LANCL2: variants seen among roughly 807,000 people sequenced by gnomAD.
The protein encoded by LANCL2 is LanC like glutathione S-transferase 2.
LANCL2 carries 33 observed loss-of-function variants against 56.9 expected under a neutral mutation model. The ratio of observed to expected loss-of-function variants is 0.58; its 90% CI spans 0.44 to 0.78. The LOEUF (loss-of-function observed/expected upper bound fraction) is 0.78. LANCL2 is among the 30% of genes least tolerant of loss of function. LANCL2 has a pLI of 0.00. For missense variants in LANCL2, 562 were observed against 580.2 expected (o/e 0.97, Z 0.32); for synonymous variants, 233 against 228.2 (o/e 1.02, Z -0.19).
chr7:55,401,306 T>C lies in LANCL2; in HGVS notation c.811T>C (p.Tyr271His). The C allele has an allele frequency of 6.2e-7, 1 of 1,613,952 alleles. No individual in the cohort carries two copies. The highest frequency in any genetic ancestry group is 1.6e-4 in the Middle Eastern group (1 of 6,062). ...GAAHGMAGIY[Y>H]MLMQPAAKVD... ...AGCCCATGGCATGGCTGGAATTTAC[T>C]ATATGTTAATGCAGGTAGGTAAGAA... The change falls in exon 5 of 9, where the codon TAT (tyrosine) becomes CAT (histidine). Residue 271 changes from tyrosine (Y) to histidine (H), a missense_variant. Physicochemically the swap from Tyr to His is moderately conservative, Grantham distance 83. Transcript: ENST00000254770.
intron 6 of LANCL2, among the ~76,000 whole-genome samples, chr7:55,415,621 C>CTTTCTTTTTTTTTTTTTTT (rs149792554): frequency 1.8e-5 from 2 of 111,770 alleles, no homozygotes; most frequent in African/African-American, 3.2e-5. Context: ...GTTTTTCTTT[C>CTTTCTTTTTTTTTTTTTTT]TTTTTTTTGA....
intron 5 of LANCL2, among the ~76,000 whole-genome samples, chr7:55,405,101 C>T (rs547330060): frequency 6.6e-6 from 1 of 152,284 alleles, no homozygotes; most frequent in South Asian, 2.1e-4. Flanking sequence ...GTCCCAGAAG[C>T]CCCATCATCT....
At chr7:55,390,986 GC>G (rs1318773435) in intron 1 of LANCL2, among the ~76,000 whole-genome samples, 4 of 147,834 alleles carry the variant, frequency 2.7e-5, no homozygotes, top group Non-Finnish European at 4.5e-5. Context: ...GTTTTTATTT[GC>G]ATTTCATTAG....
chr7:55,369,087 G>A (rs1239195493), intron 1 of LANCL2, among the ~76,000 whole-genome samples: 2 of 152,192 alleles, frequency 1.3e-5, no homozygotes, highest in Non-Finnish European at 2.9e-5. Flanking sequence ...CAGAAACTAG[G>A]AGAGGCAAGG....
chr7:55,412,997 A>G (rs1008922731), intron 6 of LANCL2, among the ~76,000 whole-genome samples: 4 of 152,242 alleles, frequency 2.6e-5, no homozygotes, highest in African/African-American at 9.6e-5. Flanking sequence ...ATTATCTCTC[A>G]TGATTTAGGC....
chr7:55,371,968 A>T (rs987315735), intron 1 of LANCL2, among the ~76,000 whole-genome samples: 7 of 152,042 alleles, frequency 4.6e-5, no homozygotes, highest in African/African-American at 1.7e-4. Context: ...AACTTCTCAG[A>T]GTGAGGTTTG....
Position 55,393,460 on chromosome 7 carries a change from G to A in LANCL2, c.322+1550G>A, listed in dbSNP as rs146364848. 2.0e-5 allele frequency among the ~76,000 whole-genome samples: 3 copies of A among 152,268 alleles called. No homozygotes were observed. In the East Asian group the frequency reaches 5.8e-4, roughly 29 times the overall value. On this transcript the variant is annotated intron_variant, in intron 2 of 8. Coordinates refer to ENST00000254770, the MANE Select transcript of LANCL2 (RefSeq NM_018697.4). Reference sequence around the variant, plus strand: ...AGCAGGAGAATCAATTGAGCCCAGAGGCGGAGGTTGTAGTGAGCTGAGATC... The same window carrying A: ...AGCAGGAGAATCAATTGAGCCCAGAAGCGGAGGTTGTAGTGAGCTGAGATC...
intron 1 of LANCL2, among the ~76,000 whole-genome samples, chr7:55,366,670 C>T (rs1789876939): frequency 6.6e-6 from 1 of 152,230 alleles, no homozygotes; most frequent in African/African-American, 2.4e-5. Flanking sequence ...ATTGTCCGTA[C>T]TGTCTGTGTG....
At chr7:55,419,461 G>A (rs1304159609) in intron 6 of LANCL2, among the ~76,000 whole-genome samples, 1 of 149,598 alleles carries the variant, frequency 6.7e-6, no homozygotes, top group Non-Finnish European at 1.5e-5. Context: ...GAGTGCAGTG[G>A]CACGATCTTG....
chr7:55,404,939 A>G (rs927160198), intron 5 of LANCL2, among the ~76,000 whole-genome samples: 1 of 152,252 alleles, frequency 6.6e-6, no homozygotes, highest in African/African-American at 2.4e-5. Context: ...CAAAGTAACC[A>G]GAATTCCATA....
intron 6 of LANCL2, among the ~76,000 whole-genome samples, chr7:55,413,939 G>T (rs1790498474): frequency 1.3e-5 from 2 of 152,196 alleles, no homozygotes; most frequent in African/African-American, 4.8e-5. Context: ...ATAGCTAGAA[G>T]AGAAGATTTG....
At chr7:55,369,966 G>C (rs1789924626) in intron 1 of LANCL2, among the ~76,000 whole-genome samples, 1 of 152,168 alleles carries the variant, frequency 6.6e-6, no homozygotes, top group Non-Finnish European at 1.5e-5. Context: ...CCAACACTTA[G>C]CATCTTTATA....
chr7:55,375,921 A>C (rs1789995117), intron 1 of LANCL2, among the ~76,000 whole-genome samples: 1 of 152,214 alleles, frequency 6.6e-6, no homozygotes, highest in African/African-American at 2.4e-5. Context: ...CAGCAGCCGC[A>C]GATCAAGTCA....
intron 6 of LANCL2, among the ~76,000 whole-genome samples, chr7:55,417,145 A>G (rs1790552776): frequency 6.6e-6 from 1 of 151,744 alleles, no homozygotes; most frequent in Non-Finnish European, 1.5e-5. Context: ...ACGCCTGGCT[A>G]ATTTTTTGTA....
chr7:55,407,550 C>T (rs1387329893), intron 5 of LANCL2, among the ~76,000 whole-genome samples: 4 of 152,214 alleles, frequency 2.6e-5, no homozygotes, highest in South Asian at 2.1e-4. Flanking sequence ...TCTTTGAGGG[C>T]GTTTTTGAAT....
At chr7:55,409,851 A>C (rs907832908) in intron 5 of LANCL2, among the ~76,000 whole-genome samples, 3 of 152,260 alleles carry the variant, frequency 2.0e-5, no homozygotes, top group African/African-American at 7.2e-5. Context: ...AAGTTACTCC[A>C]GGAAAAACTA....
In LANCL2 at chr7:55,433,508, G is replaced by A. The variant is rs903699401; in HGVS notation, c.*2188G>A. The A allele has an allele frequency of 1.3e-5, 2 of 152,182 alleles. No individual in the cohort carries two copies. Among genetic ancestry groups the A allele is most frequent in the East Asian group, 1.9e-4 (1 of 5,196 alleles). The allele number at this position is 152,182 out of a possible 1,614,324, so 9.4% of individuals were successfully genotyped here. On this transcript the variant is annotated 3_prime_UTR_variant, in exon 9 of 9. Transcript: ENST00000254770. ...AACGGGACTTACTTCACAGGACAGA[G>A]GATTGACAGAAGTCAGTTTAAGATA...
chr7:55,399,344 C>CT (rs201305522), intron 3 of LANCL2, among the ~76,000 whole-genome samples: 72,185 of 138,486 alleles, frequency 0.52, 19,364 homozygotes, highest in Admixed American at 0.66. Flanking sequence ...CATTGCAGTC[C>CT]TTTTTTTTTT....
At chr7:55,370,673 A>G (rs972042988) in intron 1 of LANCL2, among the ~76,000 whole-genome samples, 2 of 152,224 alleles carry the variant, frequency 1.3e-5, no homozygotes, top group African/African-American at 4.8e-5. Flanking sequence ...TTAGACTAAA[A>G]TGATACTTTC....
Sources: gnomAD v4.1 joint callset for allele counts (sites outside exome capture counted in the v4.1 genomes callset) on GRCh38, gnomAD v4.1.1 for gene constraint, MANE v1.5 for transcripts, NCBI Gene and HGNC (gene_info 2026-07-23, HGNC 2026-07-21) for gene names.